The following SNX29 variants were observed in gnomAD, a reference collection of about 807,000 sequenced individuals.
SNX29 encodes sorting nexin 29, also known as sorting nexin-29.
Under a neutral mutation model 102.1 loss-of-function variants are expected in SNX29, and 78 were observed. That is an observed-to-expected ratio of 0.76 (90% CI 0.64 to 0.92). The LOEUF is 0.92. Among genes scored for constraint, SNX29 ranks in the 40% least tolerant of loss-of-function variants. The pLI is 0.00. For synonymous variants in SNX29, 580 were observed against 414.5 expected (o/e 1.40, Z -4.85); for missense variants, 1,280 against 1,061.7 (o/e 1.21, Z -2.86).
At chr16:12,555,438 C>G (rs1163021096) in intron 20 of SNX29, among the ~76,000 whole-genome samples, 2 of 151,962 alleles carry the variant, frequency 1.3e-5, no homozygotes, top group African/African-American at 2.4e-5. Flanking sequence ...AGGAGACACT[C>G]ATGTACGCAG....
At chr16:12,553,385 G>A (rs2078113021) in intron 20 of SNX29, among the ~76,000 whole-genome samples, 2 of 152,166 alleles carry the variant, frequency 1.3e-5, no homozygotes, top group African/African-American at 2.4e-5. Context: ...CTCTCAAGTT[G>A]AACATATAAG....
At chr16:12,263,220 C>T (rs1456006762) in intron 14 of SNX29, among the ~76,000 whole-genome samples, 1 of 151,698 alleles carries the variant, frequency 6.6e-6, no homozygotes, top group East Asian at 1.9e-4. Context: ...CAACCTCTGC[C>T]TCCTGGGTTC....
At chr16:12,215,632 C>T (rs1284405424) in intron 14 of SNX29, among the ~76,000 whole-genome samples, 8 of 152,166 alleles carry the variant, frequency 5.3e-5, no homozygotes. Flanking sequence ...ACCTTGAGTC[C>T]TATGATGCCC....
intron 13 of SNX29, among the ~76,000 whole-genome samples, chr16:12,146,137 C>T (rs1280983450): frequency 3.3e-5 from 5 of 152,250 alleles, no homozygotes; most frequent in Non-Finnish European, 7.3e-5. Context: ...TGCATTGCAG[C>T]TGCTTCCAGT....
At chr16:12,091,014 C>CAAAAAAAA (rs58933500) in intron 11 of SNX29, among the ~76,000 whole-genome samples, 66 of 53,430 alleles carry the variant, frequency 1.2e-3, no homozygotes, top group African/African-American at 4.0e-3. Flanking sequence ...GACTTCATCT[C>CAAAAAAAA]AAAAAAAAAA....
intron 20 of SNX29, among the ~76,000 whole-genome samples, chr16:12,542,487 A>C (rs1360488420): frequency 1.3e-5 from 2 of 152,170 alleles, no homozygotes; most frequent in East Asian, 1.9e-4. Flanking sequence ...ACCCACTACC[A>C]CACCTGGCTC....
intron 20 of SNX29, among the ~76,000 whole-genome samples, chr16:12,555,185 T>C (rs1266384304): frequency 6.6e-6 from 1 of 151,602 alleles, no homozygotes; most frequent in Non-Finnish European, 1.5e-5. Context: ...GTTACTCAGG[T>C]GTGGCATGCA....
At chr16:12,476,110 C>T (rs1289684919) in intron 18 of SNX29, among the ~76,000 whole-genome samples, 4 of 151,584 alleles carry the variant, frequency 2.6e-5, no homozygotes, top group Admixed American at 6.6e-5. Flanking sequence ...CATCTGAGGC[C>T]AGGAGTTCAA....
At chr16:12,284,751 G>A (rs1283868077) in intron 15 of SNX29, among the ~76,000 whole-genome samples, 5 of 150,298 alleles carry the variant, frequency 3.3e-5, no homozygotes, top group Non-Finnish European at 5.9e-5. Context: ...TTGAGACAGA[G>A]TCTCATTCTG....
intron 11 of SNX29, among the ~76,000 whole-genome samples, chr16:12,121,113 C>T (rs1021140788): frequency 6.6e-6 from 1 of 152,228 alleles, no homozygotes; most frequent in African/African-American, 2.4e-5. Flanking sequence ...CACCAGGTCT[C>T]ACGTGTGTTC....
chr16:11,977,646 A>C (rs2055333095), intron 1 of SNX29: 1 of 151,902 alleles, frequency 6.6e-6, no homozygotes, highest in South Asian at 2.1e-4. Context: ...CTCACCATCG[A>C]GGGGGTGGTG....
At chr16:12,236,500 C>G (rs774173240) in intron 14 of SNX29, among the ~76,000 whole-genome samples, 25 of 152,238 alleles carry the variant, frequency 1.6e-4, no homozygotes, top group African/African-American at 5.5e-4. Context: ...TTTCCCACTA[C>G]GTCTTCTCTG....
At chr16:12,076,011 C>G (rs2051547440) in intron 10 of SNX29, among the ~76,000 whole-genome samples, 1 of 152,188 alleles carries the variant, frequency 6.6e-6, no homozygotes, top group Admixed American at 6.5e-5. Flanking sequence ...TTTCCTAAGC[C>G]CTTCGGAAAA....
chr16:12,416,600 C>G (rs59538324), intron 18 of SNX29, among the ~76,000 whole-genome samples: 1 of 152,166 alleles, frequency 6.6e-6, no homozygotes, highest in African/African-American at 2.4e-5. Context: ...GAAGAGGTTT[C>G]TTTGGCTCCC....
At chr16:12,068,107 G>A (rs1475259802) in intron 9 of SNX29, among the ~76,000 whole-genome samples, 1 of 152,138 alleles carries the variant, frequency 6.6e-6, no homozygotes, top group African/African-American at 2.4e-5. Flanking sequence ...TTAACAGCAA[G>A]CTGATTCATT....
chr16:12,508,516 G>A (rs980062189), intron 19 of SNX29, among the ~76,000 whole-genome samples: 10 of 152,246 alleles, frequency 6.6e-5, no homozygotes, highest in African/African-American at 2.4e-4. Context: ...TTAGCTGCTA[G>A]CTGATTTGAG....
At chr16:12,530,561 GT>G (rs372967025) in intron 20 of SNX29, among the ~76,000 whole-genome samples, 115 of 146,062 alleles carry the variant, frequency 7.9e-4, no homozygotes, top group African/African-American at 2.5e-3. Flanking sequence ...TTTGTTTTTT[GT>G]TTTTTTTGGT....
chr16:12,024,625 G>A (rs918513693), intron 3 of SNX29, among the ~76,000 whole-genome samples: 1 of 152,194 alleles, frequency 6.6e-6, no homozygotes, highest in Non-Finnish European at 1.5e-5. Context: ...TGACCTGTGT[G>A]CCTCTGTGAC....
chr16:12,570,908 G>C lies in SNX29; in HGVS notation c.*2279G>C. On this transcript the variant is annotated 3_prime_UTR_variant, in exon 21 of 21. Transcript: ENST00000566228. ...GAATTATTCACAAAAAACCTGGTCT[G>C]CTCTCCAAAATGAGAGCATGTTCCT... 1 of 223,594 alleles carries C rather than the reference G, an allele frequency of 4.5e-6. No homozygotes were observed. The highest frequency in any genetic ancestry group is 8.8e-6 in the Non-Finnish European group (1 of 114,248). The allele number at this position is 223,594 out of a possible 1,614,324, so 13.9% of individuals were successfully genotyped here. A position where few individuals can be genotyped will look rare whatever the true frequency, so the allele number is the denominator to read the frequency against.
Sources: gnomAD v4.1 joint callset for allele counts (sites outside exome capture counted in the v4.1 genomes callset) on GRCh38, gnomAD v4.1.1 for gene constraint, MANE v1.5 for transcripts, NCBI Gene and HGNC (gene_info 2026-07-23, HGNC 2026-07-21) for gene names.